ADAM20: variants seen among roughly 807,000 people sequenced by gnomAD.
The protein encoded by ADAM20 is ADAM metallopeptidase domain 20.
For synonymous variants in ADAM20, 305 were observed against 310.2 expected (o/e 0.98, Z 0.18); for missense variants, 871 against 883.2 (o/e 0.99, Z 0.18).
chr14:70,572,282 A>C, the ADAM20 span, among the ~76,000 whole-genome samples: 4,155 of 152,322 alleles, frequency 0.027, 112 homozygotes, highest in African/African-American at 0.078. Flanking sequence ...TAGAGAACCC[A>C]GAAATAAAGC....
chr14:70,522,595 T>C lies in ADAM20; in HGVS notation c.2163A>G (p.Lys721=), dbSNP rs749412698. Residue 721 remains lysine (K), a synonymous_variant, in exon 2 of 2, where the codon AAA becomes AAG. Coordinates refer to ENST00000256389, the MANE Select transcript of ADAM20 (RefSeq NM_003814.5). ...ATTTCTCTTATCCTTCTTCATCTTC[T>C]TTACTTTTTGTGCGTTTCTTAAAAA... The part of the protein sequence containing the change: ...HVLFKKRTKS[K]EDEEG 6.8e-6 allele frequency: 11 copies of C among 1,608,422 alleles called. No individual in the cohort carries two copies. The highest frequency in any genetic ancestry group is 1.7e-4 in the Middle Eastern group (1 of 6,036).
the ADAM20 span, among the ~76,000 whole-genome samples, chr14:70,570,012 C>G: frequency 6.6e-6 from 1 of 151,036 alleles, no homozygotes; most frequent in Middle Eastern, 3.2e-3. Context: ...CTTTAATCAT[C>G]TGTACATGCA....
upstream of ADAM20, among the ~76,000 whole-genome samples, chr14:70,539,770 A>G (rs1252501885): frequency 6.6e-6 from 1 of 152,204 alleles, no homozygotes; most frequent in Non-Finnish European, 1.5e-5. Flanking sequence ...ATGTTAAAGA[A>G]TTACTTCATC....
chr14:70,557,855 G>T, the ADAM20 span, among the ~76,000 whole-genome samples: 3 of 152,018 alleles, frequency 2.0e-5, no homozygotes, highest in African/African-American at 7.3e-5. Context: ...GAAGCCAAAA[G>T]ATTGGACACC....
chr14:70,543,360 C>T, the ADAM20 span, among the ~76,000 whole-genome samples: 1 of 152,206 alleles, frequency 6.6e-6, no homozygotes, highest in Non-Finnish European at 1.5e-5. Context: ...ATCTCAATTA[C>T]TGTAGCATTT....
the ADAM20 span, among the ~76,000 whole-genome samples, chr14:70,545,956 C>A: frequency 6.6e-6 from 1 of 152,290 alleles, no homozygotes; most frequent in African/African-American, 2.4e-5. Context: ...GACAAGACCA[C>A]AAAACAAGTC....
chr14:70,538,861 G>A (rs552664680), upstream of ADAM20, among the ~76,000 whole-genome samples: 9 of 152,250 alleles, frequency 5.9e-5, no homozygotes, highest in African/African-American at 1.7e-4. Context: ...GCAGTGGCAC[G>A]ATCTCAGCTC....
At chr14:70,575,345 C>G in the ADAM20 span, among the ~76,000 whole-genome samples, 369 of 152,174 alleles carry the variant, frequency 2.4e-3, 3 homozygotes, top group African/African-American at 8.2e-3. Flanking sequence ...CAGGTGCACA[C>G]CACCACACCC....
the ADAM20 span, among the ~76,000 whole-genome samples, chr14:70,540,798 A>T: frequency 1.4e-4 from 21 of 151,762 alleles, no homozygotes; most frequent in Non-Finnish European, 2.4e-4. Flanking sequence ...ATAAAAAATA[A>T]TTTTTTTTTC....
At chr14:70,547,019 C>A in the ADAM20 span, among the ~76,000 whole-genome samples, 2 of 152,198 alleles carry the variant, frequency 1.3e-5, no homozygotes, top group Non-Finnish European at 1.5e-5. Context: ...GGAGACATCA[C>A]AACTGATGTC....
In ADAM20 at chr14:70,523,669, C is replaced by A. The variant is rs1390708048; in HGVS notation, c.1089G>T (p.Trp363Cys). ...DTQWCVCELQ[W>C]CIMHAYRKVT... The stretch of plus-strand genomic sequence containing the variant: ...CCTTTCTATAGGCATGCATTATGCA[C>A]CACTGTAGCTCGCACACACACCACT... Residue 363 changes from tryptophan to cysteine, a missense_variant, in exon 2 of 2, where the codon TGG becomes TGT. Physicochemically the swap from Trp to Cys is radical, Grantham distance 215. Coordinates refer to ENST00000256389, the MANE Select transcript of ADAM20 (RefSeq NM_003814.5). 2 of 1,614,074 alleles carry A rather than the reference C, an allele frequency of 1.2e-6. No individual in the cohort carries two copies. The highest frequency in any genetic ancestry group is 2.2e-5 in the South Asian group (2 of 91,072).
chr14:70,562,239 T>C, the ADAM20 span, among the ~76,000 whole-genome samples: 6 of 152,380 alleles, frequency 3.9e-5, no homozygotes, highest in Non-Finnish European at 8.8e-5. Flanking sequence ...TAAGATTTAA[T>C]GACTGCCCTA....
At chr14:70,556,163 A>C in the ADAM20 span, 1 of 152,358 alleles carries the variant, frequency 6.6e-6, no homozygotes, top group Non-Finnish European at 1.5e-5. Context: ...GGTCCCTGCC[A>C]GCGGCGCACA....
At chr14:70,553,940 A>G in the ADAM20 span, among the ~76,000 whole-genome samples, 62 of 152,310 alleles carry the variant, frequency 4.1e-4, no homozygotes, top group African/African-American at 1.5e-3. Context: ...AGCTAGAGCA[A>G]TCAGACAAGA....
chr14:70,529,765 A>G (rs1159465179), intron 1 of ADAM20, among the ~76,000 whole-genome samples: 2 of 152,212 alleles, frequency 1.3e-5, no homozygotes, highest in East Asian at 1.9e-4. Context: ...GTAAATGGTG[A>G]GTGAATGTGA....
At chr14:70,541,103 T>C in the ADAM20 span, among the ~76,000 whole-genome samples, 1 of 152,150 alleles carries the variant, frequency 6.6e-6, no homozygotes, top group South Asian at 2.1e-4. Flanking sequence ...AAAATAATCT[T>C]ATATGGTAAA....
the ADAM20 span, chr14:70,547,262 A>C: frequency 6.6e-6 from 1 of 152,378 alleles, no homozygotes; most frequent in Non-Finnish European, 1.5e-5. Context: ...AATTCTACTC[A>C]AGCTTTAAAG....
At chr14:70,529,997 C>T (rs1297777139) in intron 1 of ADAM20, among the ~76,000 whole-genome samples, 2 of 152,056 alleles carry the variant, frequency 1.3e-5, no homozygotes, top group Admixed American at 1.3e-4. Context: ...ATTTTTACAT[C>T]GTAGGCCAGG....
In ADAM20 at chr14:70,524,589, C is replaced by T. The variant is rs891871785; in HGVS notation, c.169G>A (p.Ala57Thr). The T allele has an allele frequency of 1.2e-6, 2 of 1,613,938 alleles. No individual in the cohort carries two copies. Among genetic ancestry groups the T allele is most frequent in the Non-Finnish European group, 1.7e-6 (2 of 1,179,916 alleles). ...KVISRGRGAK[A>T]PGWLSYSLRF... ...AGGCTATAGGAGAGCCATCCAGGAG[C>T]CTTTGCACCTCTGCCCCTGCTGATC... The change falls in exon 2 of 2, where the codon GCT (alanine) becomes ACT (threonine). Residue 57 changes from alanine to threonine, a missense_variant. Coordinates refer to ENST00000256389, the MANE Select transcript of ADAM20 (RefSeq NM_003814.5).
Sources: gnomAD v4.1 joint callset for allele counts (sites outside exome capture counted in the v4.1 genomes callset) on GRCh38, gnomAD v4.1.1 for gene constraint, MANE v1.5 for transcripts, NCBI Gene and HGNC (gene_info 2026-07-23, HGNC 2026-07-21) for gene names.